Variants in PADI2 observed in about 807,000 individuals in gnomAD.
PADI2 encodes peptidyl arginine deiminase 2.
A neutral mutation model predicts 81.1 loss-of-function variants in PADI2; 70 were observed. That is an observed-to-expected ratio of 0.86 (90% CI 0.71 to 1.05). The LOEUF is 1.05. Among genes scored for constraint, PADI2 ranks in the 50% least tolerant of loss-of-function variants. PADI2 has a pLI of 0.00. For synonymous variants in PADI2, 338 were observed against 358.0 expected, an observed-to-expected ratio of 0.94 and a Z score of 0.63; for missense variants, 853 against 889.9, an observed-to-expected ratio of 0.96 and a Z score of 0.53.
chr1:17,076,982 C>G (rs1219648022), intron 11 of PADI2, among the ~76,000 whole-genome samples: 1 of 152,136 alleles, frequency 6.6e-6, no homozygotes, highest in African/African-American at 2.4e-5. Context: ...TCTGATCTGG[C>G]TCCTGGCCAG....
chr1:17,119,357 C>T lies in PADI2; in HGVS notation c.15G>A (p.Arg5=). 6.5e-7 allele frequency: 1 copy of T among 1,538,732 alleles called. No homozygotes were observed. The highest frequency in any genetic ancestry group is 8.8e-7 in the Non-Finnish European group (1 of 1,142,714). The change falls in exon 1 of 16, where the codon CGG becomes CGA. Residue 5 remains arginine (R), a synonymous_variant. Transcript: ENST00000375486. The surrounding 1 kb of genome is among the most constrained non-coding windows in gnomAD (Gnocchi z 4.8). MLRE[R]TVRLQYGSRV... is the part of the protein sequence containing the mutation. ...GGCTCCCGTACTGCAGCCGCACGGT[C>T]CGCTCGCGCAGCATCCTCCCCGCCG...
At chr1:17,096,093 C>A in intron 3 of PADI2, 123 bp from the exon 4 acceptor site, 1 of 669,942 alleles carries the variant, frequency 1.5e-6, no homozygotes, top group Non-Finnish European at 2.6e-6. Flanking sequence ...AAAGAGAGGA[C>A]CTCGCTGAAG....
intron 9 of PADI2, chr1:17,083,419 C>A: frequency 3.2e-6 from 1 of 309,880 alleles, no homozygotes; most frequent in Non-Finnish European, 6.0e-6. Context: ...TAACTTGAAG[C>A]ACATCCTGTA....
rs183784516 is a variant in PADI2 at position 17,077,507 on chromosome 1, G to A, written c.1311-1684C>T. ...CTGACTCCCTGTTATTCTTTCTATC[G>A]TTGCAAGTCCCTCCATTTCATCAGG... On this transcript the variant is annotated intron_variant, in intron 11 of 15. Transcript: ENST00000375486. 3.3e-5 allele frequency among the ~76,000 whole-genome samples: 5 copies of A among 152,202 alleles called. No homozygotes were observed. In the East Asian group the frequency reaches 7.7e-4, roughly 24 times the overall value.
chr1:17,097,103 C>T (rs1049073740), intron 3 of PADI2, among the ~76,000 whole-genome samples: 3 of 152,170 alleles, frequency 2.0e-5, no homozygotes, highest in African/African-American at 7.2e-5. Context: ...GTGTCACACA[C>T]ATGACATGTG....
Position 17,082,660 on chromosome 1 carries a change from G to A in PADI2, c.1051-8C>T, listed in dbSNP as rs1256687950. 2.6e-6 allele frequency: 4 copies of A among 1,555,806 alleles called. No homozygotes were observed. The highest frequency in any genetic ancestry group is 2.6e-6 in the Non-Finnish European group (3 of 1,138,056). On this transcript the variant is annotated splice_region_variant and splice_polypyrimidine_tract_variant and intron_variant, in intron 9 of 15. Transcript: ENST00000375486. ...GCCAAACTCAATTTCATCCTGCAGG[G>A]ACACCAAGGAGAACTGTTAGACGAA...
At chr1:17,096,064 C>T (rs930911498) in intron 3 of PADI2, 94 bp from the exon 4 acceptor site, 8 of 906,176 alleles carry the variant, frequency 8.8e-6, no homozygotes, top group African/African-American at 6.7e-5. Flanking sequence ...TGCGTCTCAG[C>T]CATTCATTTG....
intron 13 of PADI2, among the ~76,000 whole-genome samples, chr1:17,073,396 G>A (rs535950456): frequency 1.5e-5 from 2 of 131,598 alleles, no homozygotes; most frequent in East Asian, 2.3e-4. Flanking sequence ...CAGCCTGGAC[G>A]ACAGAGTGAG....
Position 17,104,431 on chromosome 1 carries a change from C to CTTTTTTTTTTTTTTTTTTTTTTT in PADI2, c.276+446_276+447insAAAAAAAAAAAAAAAAAAAAAAA, listed in dbSNP as rs1217484961. ...TTTCACCTGTTTCTTTTTGCCTTTT[C>CTTTTTTTTTTTTTTTTTTTTTTT]TTTTTTTTTTTTTTTTTTTTTGAGA... On this transcript the variant is annotated intron_variant, in intron 2 of 15. Transcript: ENST00000375486. Among the ~76,000 whole-genome samples the CTTTTTTTTTTTTTTTTTTTTTTT allele has an allele frequency of 7.5e-5, 6 of 79,790 alleles. 2 individuals are homozygous for CTTTTTTTTTTTTTTTTTTTTTTT. Among genetic ancestry groups the CTTTTTTTTTTTTTTTTTTTTTTT allele is most frequent in the African/African-American group, 3.0e-4 (6 of 20,204 alleles). The allele number at this position is 79,790 out of a possible 152,430, so 52.3% of individuals were successfully genotyped here.
At chr1:17,104,490 A>G (rs1240149846) in intron 2 of PADI2, among the ~76,000 whole-genome samples, 2 of 104,870 alleles carry the variant, frequency 1.9e-5, no homozygotes, top group Non-Finnish European at 3.4e-5. Context: ...GCTGGAGTGC[A>G]GTGGTGCGAT....
At chr1:17,105,227 T>G (rs1931328541) in intron 1 of PADI2, among the ~76,000 whole-genome samples, 166 bp from the exon 2 acceptor site, 1 of 152,074 alleles carries the variant, frequency 6.6e-6, no homozygotes, top group African/African-American at 2.4e-5. Flanking sequence ...CTTGTCTTTA[T>G]ATACATTAAA....
chr1:17,073,874 C>T (rs2078282274), intron 13 of PADI2, among the ~76,000 whole-genome samples: 1 of 152,202 alleles, frequency 6.6e-6, no homozygotes, highest in Non-Finnish European at 1.5e-5. Context: ...ATGCAAACCT[C>T]ATCCCGACTA....
intron 14 of PADI2, among the ~76,000 whole-genome samples, chr1:17,070,749 C>T (rs1284635669): frequency 6.6e-6 from 1 of 152,132 alleles, no homozygotes; most frequent in East Asian, 1.9e-4. Context: ...GCAACCTCCA[C>T]TTCCTGGGTT....
intron 1 of PADI2, among the ~76,000 whole-genome samples, chr1:17,111,706 G>T (rs1002841760): frequency 2.0e-5 from 3 of 152,218 alleles, no homozygotes; most frequent in African/African-American, 7.2e-5. Context: ...TATCGACTGT[G>T]GGGTGGGACC....
At chr1:17,118,011 G>A (rs1041190551) in intron 1 of PADI2, among the ~76,000 whole-genome samples, 1 of 152,224 alleles carries the variant, frequency 6.6e-6, no homozygotes, top group Admixed American at 6.5e-5. Context: ...GCCAGGGACA[G>A]AGGCATGGAG....
chr1:17,107,252 G>A (rs1443073006), intron 1 of PADI2, among the ~76,000 whole-genome samples: 2 of 152,200 alleles, frequency 1.3e-5, no homozygotes, highest in Non-Finnish European at 2.9e-5. Flanking sequence ...ACTATGGCAG[G>A]CATCAGAATC....
intron 10 of PADI2, among the ~76,000 whole-genome samples, chr1:17,081,126 C>T (rs1290383954): frequency 5.3e-5 from 8 of 152,226 alleles, no homozygotes; most frequent in East Asian, 3.8e-4. Flanking sequence ...GGAAAGGCCT[C>T]GCTTCTCATG....
intron 3 of PADI2, among the ~76,000 whole-genome samples, chr1:17,101,135 A>G (rs1412196521): frequency 6.6e-6 from 1 of 152,128 alleles, no homozygotes; most frequent in Non-Finnish European, 1.5e-5. Flanking sequence ...GGAAGGATGA[A>G]CTTGGTCACT....
chr1:17,070,517 G>C (rs764396333), intron 14 of PADI2, among the ~76,000 whole-genome samples: 1 of 152,198 alleles, frequency 6.6e-6, no homozygotes, highest in Non-Finnish European at 1.5e-5. Context: ...GTGACCCCTC[G>C]GGCCACCCCA....
Sources: gnomAD v4.1 joint callset for allele counts (sites outside exome capture counted in the v4.1 genomes callset) on GRCh38, gnomAD v4.1.1 for gene constraint, Gnocchi (gnomAD v3.1) non-coding constraint, MANE v1.5 for transcripts, NCBI Gene and HGNC (gene_info 2026-07-23, HGNC 2026-07-21) for gene names.